Variants in ZHX2 observed in about 807,000 individuals in gnomAD.
ZHX2 encodes zinc fingers and homeoboxes protein 2.
Under a neutral mutation model 21.9 loss-of-function variants are expected in ZHX2, and 6 were observed. That is an observed-to-expected ratio of 0.27 (90% CI 0.15 to 0.54). The LOEUF (loss-of-function observed/expected upper bound fraction) is 0.54, where lower values mean the gene tolerates loss of function less well. Among genes scored for constraint, ZHX2 ranks in the 20% least tolerant of loss-of-function variants. ZHX2 has a pLI of 0.95. For synonymous variants in ZHX2, 434 were observed against 437.1 expected (o/e 0.99, Z 0.09); for missense variants, 908 against 1,090.7 (o/e 0.83, Z 2.36).
chr8:122,805,767 T>C (rs1817810770), intron 1 of ZHX2, among the ~76,000 whole-genome samples: 1 of 152,200 alleles, frequency 6.6e-6, no homozygotes, highest in African/African-American at 2.4e-5. Context: ...GCCCAGCAGT[T>C]GTGGCTCCTC....
intron 1 of ZHX2, among the ~76,000 whole-genome samples, chr8:122,807,308 T>C (rs1817843330): frequency 6.6e-6 from 1 of 152,224 alleles, no homozygotes. Context: ...CTTCTGGTAA[T>C]GGAGGAAATG....
chr8:122,834,503 T>C (rs1443587287), intron 1 of ZHX2, among the ~76,000 whole-genome samples: 1 of 152,246 alleles, frequency 6.6e-6, no homozygotes, highest in Non-Finnish European at 1.5e-5. Context: ...TGTGGAGCTA[T>C]GGCCCCGTGG....
intron 2 of ZHX2, among the ~76,000 whole-genome samples, chr8:122,920,168 A>G (rs2130074886): frequency 6.6e-6 from 1 of 152,130 alleles, no homozygotes. Flanking sequence ...CAGCTACTTG[A>G]GAGACTGAGG....
At chr8:122,794,115 G>A (rs1366262439) in intron 1 of ZHX2, among the ~76,000 whole-genome samples, 1 of 152,140 alleles carries the variant, frequency 6.6e-6, no homozygotes, top group Non-Finnish European at 1.5e-5. Flanking sequence ...TGAGTACCCA[G>A]CTTTCACTGG....
At chr8:122,868,857 T>G (rs535010885) in intron 2 of ZHX2, among the ~76,000 whole-genome samples, 1 of 152,148 alleles carries the variant, frequency 6.6e-6, no homozygotes, top group South Asian at 2.1e-4. Flanking sequence ...GACCCTATAT[T>G]GGAAAAGAAG....
chr8:122,946,046 CAA>C (rs1812968607), intron 2 of ZHX2, among the ~76,000 whole-genome samples: 1 of 152,250 alleles, frequency 6.6e-6, no homozygotes, highest in Non-Finnish European at 1.5e-5. Flanking sequence ...CCACGACTTG[CAA>C]CAGGTCTGCT....
chr8:122,911,963 C>G (rs1051354090), intron 2 of ZHX2, among the ~76,000 whole-genome samples: 2 of 152,094 alleles, frequency 1.3e-5, no homozygotes, highest in Non-Finnish European at 2.9e-5. Flanking sequence ...AGGGGACACA[C>G]GCGCTTGAGC....
chr8:122,832,809 C>T (rs879085402), intron 1 of ZHX2, among the ~76,000 whole-genome samples: 4 of 151,942 alleles, frequency 2.6e-5, no homozygotes, highest in South Asian at 2.1e-4. Context: ...AGATAGGTGA[C>T]CGAGGAGGTG....
chr8:122,886,536 A>C (rs1423506942), intron 2 of ZHX2, among the ~76,000 whole-genome samples: 2 of 152,198 alleles, frequency 1.3e-5, no homozygotes, highest in African/African-American at 2.4e-5. Flanking sequence ...ACCATGCCGG[A>C]TATTCATAAT....
intron 1 of ZHX2, among the ~76,000 whole-genome samples, chr8:122,783,941 C>T (rs574229575): frequency 1.4e-4 from 22 of 152,332 alleles, no homozygotes; most frequent in Non-Finnish European, 2.8e-4. Flanking sequence ...TGTTCTCTTG[C>T]GCACTTGTAC....
chr8:122,834,539 G>A (rs1818454897), intron 1 of ZHX2, among the ~76,000 whole-genome samples: 1 of 152,264 alleles, frequency 6.6e-6, no homozygotes, highest in South Asian at 2.1e-4. Context: ...GATGGCAGAG[G>A]TAAGCATTCG....
chr8:122,897,713 A>G (rs1016022261), intron 2 of ZHX2, among the ~76,000 whole-genome samples: 2 of 150,878 alleles, frequency 1.3e-5, no homozygotes, highest in Admixed American at 6.6e-5. Flanking sequence ...AAAGAATGAG[A>G]GTTTCTATTT....
At chr8:122,964,019 A>G (rs1813520274) in intron 3 of ZHX2, among the ~76,000 whole-genome samples, 1 of 152,108 alleles carries the variant, frequency 6.6e-6, no homozygotes, top group Non-Finnish European at 1.5e-5. Flanking sequence ...GAAACACTGA[A>G]TTCATTTATC....
intron 1 of ZHX2, among the ~76,000 whole-genome samples, chr8:122,800,195 T>C (rs1187543186): frequency 6.6e-6 from 1 of 152,204 alleles, no homozygotes. Flanking sequence ...TTTTGCTCCC[T>C]CCTAGCTCAT....
intron 2 of ZHX2, among the ~76,000 whole-genome samples, chr8:122,937,481 G>C (rs1812726067): frequency 6.6e-6 from 1 of 152,160 alleles, no homozygotes; most frequent in African/African-American, 2.4e-5. Context: ...GCATGCACTT[G>C]GAAGAGACTC....
chr8:122,951,618 C>G lies in ZHX2; in HGVS notation c.108C>G (p.Gly36=). 6.2e-7 allele frequency: 1 copy of G among 1,613,992 alleles called. No individual in the cohort carries two copies. The highest frequency in any genetic ancestry group is 8.5e-7 in the Non-Finnish European group (1 of 1,179,988). Residue 36 remains glycine (G), a synonymous_variant, in exon 3 of 4, where the codon GGC becomes GGG. Coordinates refer to ENST00000314393, the MANE Select transcript of ZHX2 (RefSeq NM_014943.5). The part of the protein sequence containing the change: ...EVDRAKEKGI[G]TPQPDVAKDS... ...ACAGGGCCAAAGAGAAAGGAATCGG[C>G]ACACCACAGCCTGACGTGGCCAAGG... is the stretch of plus-strand genomic sequence containing the variant.
At chr8:122,883,655 G>A (rs2129805207) in intron 2 of ZHX2, among the ~76,000 whole-genome samples, 1 of 152,328 alleles carries the variant, frequency 6.6e-6, no homozygotes, top group South Asian at 2.1e-4. Flanking sequence ...CAGTAGCATA[G>A]TTTTACATGT....
At chr8:122,786,963 C>A (rs948795587) in intron 1 of ZHX2, among the ~76,000 whole-genome samples, 2 of 151,116 alleles carry the variant, frequency 1.3e-5, no homozygotes, top group Non-Finnish European at 3.0e-5. Flanking sequence ...TGATTCCCCT[C>A]CCCCACCCTT....
At chr8:122,878,835 A>G (rs1819630684) in intron 2 of ZHX2, among the ~76,000 whole-genome samples, 1 of 152,148 alleles carries the variant, frequency 6.6e-6, no homozygotes, top group African/African-American at 2.4e-5. Context: ...TGCTTGAGAT[A>G]TTCATATAAT....
Sources: allele counts gnomAD v4.1 joint callset (sites outside exome capture counted in the v4.1 genomes callset), GRCh38; gene constraint gnomAD v4.1.1; transcripts MANE v1.5; gene names NCBI Gene and HGNC (gene_info 2026-07-23, HGNC 2026-07-21).